ARHGEF2: variants seen among roughly 807,000 people sequenced by gnomAD.
ARHGEF2 encodes Rho/Rac guanine nucleotide exchange factor 2.
In ARHGEF2, 22 loss-of-function variants were observed where a neutral mutation model predicts 121.0. The ratio of observed to expected loss-of-function variants is 0.18; its 90% CI spans 0.13 to 0.26. The LOEUF (loss-of-function observed/expected upper bound fraction) is 0.26. Among genes scored for constraint, ARHGEF2 ranks in the 10% least tolerant of loss-of-function variants. ARHGEF2 has a pLI of 1.00. For missense variants in ARHGEF2, 907 were observed against 1,336.0 expected, an observed-to-expected ratio of 0.68 and a Z score of 5.01; for synonymous variants, 487 against 530.0, an observed-to-expected ratio of 0.92 and a Z score of 1.11.
In ARHGEF2 at chr1:155,952,816, T is replaced by C. The variant is rs1406748622; in HGVS notation, c.1796A>G (p.Gln599Arg). 6.2e-7 allele frequency: 1 copy of C among 1,614,134 alleles called. No individual in the cohort carries two copies. The highest frequency in any genetic ancestry group is 8.5e-7 in the Non-Finnish European group (1 of 1,180,018). ...CAGCTCCACCAGTGCCCGGTCCTTC[T>C]GCTGCAACTCCACTGCAGATAAGGA... ...YLRRIKMELQ[Q>R]KDRALVELLR... The change falls in exon 15 of 22, where the codon CAG becomes CGG. Residue 599 changes from glutamine to arginine, a missense_variant. By Grantham distance (43) the Gln-to-Arg change is conservative. This residue lies in a region of ARHGEF2 where 432 missense variants were observed against 559.5 expected (regional missense o/e 0.77). Transcript: ENST00000361247.
At chr1:155,964,167 A>AAAAAAAAAAAAT (rs1553244640) in intron 7 of ARHGEF2, among the ~76,000 whole-genome samples, 1 of 91,220 alleles carries the variant, frequency 1.1e-5, no homozygotes, top group African/African-American at 6.0e-5. Context: ...AAAAAAAAAA[A>AAAAAAAAAAAAT]ATATATATAT....
chr1:155,966,522 C>G, intron 3 of ARHGEF2, 43 bp from the exon 4 acceptor site: 1 of 1,609,284 alleles, frequency 6.2e-7, no homozygotes, highest in Non-Finnish European at 8.5e-7. Context: ...GAATGGCTGT[C>G]ACCCAAGGAT....
At position 155,978,196 on chromosome 1, in the gene ARHGEF2, C is replaced by T; in HGVS notation, c.63+169G>A. On this transcript the variant is annotated intron_variant, in intron 1 of 21. Coordinates refer to ENST00000361247, the MANE Select transcript of ARHGEF2 (RefSeq NM_001162383.2). The surrounding 1 kb of genome is among the most constrained non-coding windows in gnomAD (Gnocchi z 4.1). Reference sequence around the variant, plus strand: ...CGTCTGCCGCTCCCCCCACCCCTACCCACTCGCTCGCAGTCCCCACCCACC... The same window carrying T: ...CGTCTGCCGCTCCCCCCACCCCTACTCACTCGCTCGCAGTCCCCACCCACC... The T allele has an allele frequency of 7.6e-7, 1 of 1,310,344 alleles. No individual in the cohort carries two copies. The highest frequency in any genetic ancestry group is 9.8e-7 in the Non-Finnish European group (1 of 1,020,250). The allele number at this position is 1,310,344 out of a possible 1,614,324, so 81.2% of individuals were successfully genotyped here.
chr1:155,968,954 G>C, intron 2 of ARHGEF2: 1 of 619,256 alleles, frequency 1.6e-6, no homozygotes, highest in East Asian at 2.9e-5. Flanking sequence ...CAGATAGTCC[G>C]GCTTATGCCA....
rs1324759106 is a variant in ARHGEF2, at chr1:155,950,785, C to T, written c.2703+44G>A. The T allele has an allele frequency of 6.7e-7, 1 of 1,501,448 alleles. No individual in the cohort carries two copies. The highest frequency in any genetic ancestry group is 8.9e-7 in the Non-Finnish European group (1 of 1,120,582). 93.0% of individuals were successfully genotyped at this position (1,501,448 alleles called of 1,614,324 possible). ...CAATTTCTTTCGGGCTCCATGGACCCTTATGTCCACCCCAGGTCCATTCAC... is the reference window on the plus strand; with the variant it reads ...CAATTTCTTTCGGGCTCCATGGACCTTTATGTCCACCCCAGGTCCATTCAC... On this transcript the variant is annotated intron_variant, in intron 20 of 21. Coordinates refer to ENST00000361247, the MANE Select transcript of ARHGEF2 (RefSeq NM_001162383.2). This position sits in a 1 kb window ranked among gnomAD's most constrained non-coding sequence, Gnocchi z 5.2.
intron 1 of ARHGEF2, among the ~76,000 whole-genome samples, chr1:155,977,566 G>A (rs1407848201): frequency 6.6e-6 from 1 of 152,172 alleles, no homozygotes; most frequent in Non-Finnish European, 1.5e-5. Flanking sequence ...AGGTGTGTCA[G>A]CCTAAGGGTT....
At chr1:155,963,311 T>G (rs2102662758) in intron 7 of ARHGEF2, 128 bp from the exon 8 acceptor site, 1 of 866,006 alleles carries the variant, frequency 1.2e-6, no homozygotes, top group East Asian at 2.6e-5. Context: ...TCTGCATTAT[T>G]ATGATCTTAG....
At position 155,962,677 on chromosome 1, in the gene ARHGEF2, C is replaced by T. The variant is rs374240676; in HGVS notation, c.1017G>A (p.Ser339=). 5.0e-5 allele frequency: 81 copies of T among 1,613,952 alleles called. No homozygotes were observed. The highest frequency in any genetic ancestry group is 5.8e-5 in the Non-Finnish European group (69 of 1,180,022). ...CCTTGCTGTGGCGGCTGCAGAACTC[C>T]GAGTAGGTCTTACACATCTGCTCCG... ...PSAEQMCKTY[S]EFCSRHSKAL... is the part of the protein sequence containing the mutation. The change falls in exon 9 of 22, where the codon TCG becomes TCA. Residue 339 remains serine, a synonymous_variant. Coordinates refer to ENST00000361247, the MANE Select transcript of ARHGEF2 (RefSeq NM_001162383.2). This position sits in a 1 kb window ranked among gnomAD's most constrained non-coding sequence, Gnocchi z 5.8.
At chr1:155,948,815 G>A (rs1444526696) in intron 21 of ARHGEF2, among the ~76,000 whole-genome samples, 2 of 152,090 alleles carry the variant, frequency 1.3e-5, no homozygotes. Flanking sequence ...GGGTCTCCGG[G>A]TCTCTTTCTG....
At chr1:155,948,073 C>A in intron 21 of ARHGEF2, 58 bp from the exon 22 acceptor site, 2 of 1,413,764 alleles carry the variant, frequency 1.4e-6, no homozygotes, top group Non-Finnish European at 1.9e-6. Flanking sequence ...AGGAACTGTA[C>A]CCCTAGACTA....
At chr1:155,972,263 G>A (rs538748475) in intron 1 of ARHGEF2, 143 of 467,096 alleles carry the variant, frequency 3.1e-4, no homozygotes, top group Non-Finnish European at 4.2e-4. Flanking sequence ...ACCCTCTCTC[G>A]AAGTGACCCC....
chr1:155,979,236 C>CT, upstream of ARHGEF2: 13 of 985,568 alleles, frequency 1.3e-5, no homozygotes, highest in Non-Finnish European at 1.6e-5. Flanking sequence ...CTGCCAGCTA[C>CT]TTTGGGGGAC....
intron 11 of ARHGEF2, among the ~76,000 whole-genome samples, chr1:155,960,721 C>T (rs955034171): frequency 2.0e-5 from 3 of 152,194 alleles, no homozygotes; most frequent in African/African-American, 4.8e-5. Context: ...GCAGGGATTT[C>T]ATGACACAGG....
At chr1:155,971,009 C>G (rs1432030244) in intron 1 of ARHGEF2, 2 of 986,238 alleles carry the variant, frequency 2.0e-6, no homozygotes, top group Non-Finnish European at 2.4e-6. Context: ...CCCTCCTAGG[C>G]TCCTCCCGCT....
chr1:155,962,514 C>G lies in ARHGEF2; in HGVS notation c.1101+79G>C, dbSNP rs1020779193. 6.4e-7 allele frequency: 1 copy of G among 1,573,420 alleles called. No homozygotes were observed. The highest frequency in any genetic ancestry group is 8.6e-7 in the Non-Finnish European group (1 of 1,156,742). ...CGAATGCCTGACCTCCATGTGGGTG[C>G]AGCTCACAGGCACTACCCCCATGAG... is the stretch of plus-strand genomic sequence containing the variant. On this transcript the variant is annotated intron_variant, in intron 9 of 21. Transcript: ENST00000361247. This position sits in a 1 kb window ranked among gnomAD's most constrained non-coding sequence, Gnocchi z 5.8.
chr1:155,950,401 C>G lies in ARHGEF2; in HGVS notation c.2785G>C (p.Glu929Gln). 6.2e-7 allele frequency: 1 copy of G among 1,614,158 alleles called. No homozygotes were observed. The highest frequency in any genetic ancestry group is 8.5e-7 in the Non-Finnish European group (1 of 1,180,054). ...AGCCGCTCTTCGGGGCTCCCCAGTT[C>G]CTGCCTCTCTCGGTCCTCAAAGTTT... is the stretch of plus-strand genomic sequence containing the variant. ...HRNFEDRERQ[E>Q]LGSPEERLQD... Residue 929 changes from glutamate (E) to glutamine (Q), a missense_variant, in exon 21 of 22, where the codon GAA (glutamate) becomes CAA (glutamine). By Grantham distance (29) the Glu-to-Gln change is conservative. Coordinates refer to ENST00000361247, the MANE Select transcript of ARHGEF2 (RefSeq NM_001162383.2). This position sits in a 1 kb window ranked among gnomAD's most constrained non-coding sequence, Gnocchi z 5.2.
chr1:155,950,263 C>T lies in ARHGEF2; in HGVS notation c.2887+36G>A. 1 of 1,606,730 alleles carries T rather than the reference C, an allele frequency of 6.2e-7. No individual in the cohort carries two copies. Among genetic ancestry groups the T allele is most frequent in the Non-Finnish European group, 8.5e-7 (1 of 1,178,902 alleles). On this transcript the variant is annotated intron_variant, in intron 21 of 21. Transcript: ENST00000361247. This position sits in a 1 kb window ranked among gnomAD's most constrained non-coding sequence, Gnocchi z 5.2. Reference sequence around the variant, plus strand: ...CCCAATGGCCTGTACCCAGGCTGCACTCTACCTCTGGTCCATGTCTCCGCC... The same window carrying T: ...CCCAATGGCCTGTACCCAGGCTGCATTCTACCTCTGGTCCATGTCTCCGCC...
chr1:155,978,993 C>T, upstream of ARHGEF2: 1 of 985,658 alleles, frequency 1.0e-6, no homozygotes. This position sits in a 1 kb window ranked among gnomAD's most constrained non-coding sequence, Gnocchi z 4.1. Flanking sequence ...TCCTTCCTGG[C>T]CTTCGGGGTC....
In ARHGEF2 at chr1:155,972,080, T is replaced by C. The variant is rs111380627; in HGVS notation, c.64-2780A>G. On this transcript the variant is annotated intron_variant, in intron 1 of 21. Coordinates refer to ENST00000361247, the MANE Select transcript of ARHGEF2 (RefSeq NM_001162383.2). ...TCCTTTGCCCTCCACCCTCCCCCTG[T>C]GGCATCCACAAACACTCATCTGTCT... is the stretch of plus-strand genomic sequence containing the variant. Among the ~76,000 whole-genome samples, 1,083 of 152,236 alleles carry C rather than the reference T, an allele frequency of 7.1e-3. 16 individuals are homozygous for C. The highest frequency in any genetic ancestry group is 0.025 in the African/African-American group (1,036 of 41,542).
Sources: allele counts gnomAD v4.1 joint callset (sites outside exome capture counted in the v4.1 genomes callset), GRCh38; gene constraint gnomAD v4.1.1; regional missense constraint gnomAD v4.1.1; non-coding constraint Gnocchi (gnomAD v3.1); transcripts MANE v1.5; gene names NCBI Gene and HGNC (gene_info 2026-07-23, HGNC 2026-07-21).